SANBR: variants seen among roughly 807,000 people sequenced by gnomAD.
SANBR encodes SANT and BTB domain regulator of class switch recombination.
A neutral mutation model predicts 101.8 loss-of-function variants in SANBR; 77 were observed. That is an observed-to-expected ratio of 0.76 (90% CI 0.63 to 0.91). The LOEUF (loss-of-function observed/expected upper bound fraction) is 0.91. SANBR is among the 40% of genes least tolerant of loss of function. The pLI, the probability that SANBR is intolerant of heterozygous loss-of-function variation, is 0.00. For synonymous variants in SANBR, 279 were observed against 274.7 expected, an observed-to-expected ratio of 1.02 and a Z score of -0.15; for missense variants, 875 against 853.0, an observed-to-expected ratio of 1.03 and a Z score of -0.32.
chr2:61,133,333 TTTTG>T (rs1684745618), intron 20 of SANBR, among the ~76,000 whole-genome samples: 1 of 152,096 alleles, frequency 6.6e-6, no homozygotes, highest in African/African-American at 2.4e-5. Flanking sequence ...GATGTGTGGT[TTTTG>T]TTTGGGGTAA....
Position 61,097,687 on chromosome 2 carries a change from A to G in SANBR, c.1213-13A>G, listed in dbSNP as rs758069693. On this transcript the variant is annotated splice_polypyrimidine_tract_variant and intron_variant, in intron 11 of 21. Coordinates refer to ENST00000402291, the MANE Select transcript of SANBR (RefSeq NM_001129993.3). Reference sequence around the variant, plus strand: ...GTGGAAATAGTAGTTGATTTTATCTATGTCTTTATCAGGCCTTTCTCTGTA... The same window carrying G: ...GTGGAAATAGTAGTTGATTTTATCTGTGTCTTTATCAGGCCTTTCTCTGTA... The G allele has an allele frequency of 7.7e-6, 12 of 1,561,498 alleles. No homozygotes were observed. The South Asian group carries it at 1.0e-4, about 14-fold the overall frequency.
intron 8 of SANBR, among the ~76,000 whole-genome samples, chr2:61,086,357 ATAAAT>A (rs1193883682): frequency 6.6e-6 from 1 of 151,692 alleles, no homozygotes; most frequent in East Asian, 1.9e-4. Context: ...TATTCCTAAA[ATAAAT>A]TAAATAAATA....
chr2:61,114,639 A>G (rs757101598), intron 16 of SANBR, among the ~76,000 whole-genome samples: 138 of 152,278 alleles, frequency 9.1e-4, no homozygotes, highest in Non-Finnish European at 5.6e-4. Flanking sequence ...CTATGTATAT[A>G]TACATGCATG....
rs1381229105 is a variant in SANBR, at chr2:61,106,595, G to GTA, written c.1547_1548dup (p.Glu517Ter). Reference sequence around the variant, plus strand: ...GGGGTTGGCCTCTGTGATGAAAAGGGTATAGAATGTGATGTTTTACTGGAG... The same window carrying GTA: ...GGGGTTGGCCTCTGTGATGAAAAGGGTATATAGAATGTGATGTTTTACTGGAG... On this transcript the variant is annotated frameshift_variant, in exon 14 of 22. Coordinates refer to ENST00000402291, the MANE Select transcript of SANBR (RefSeq NM_001129993.3). LOFTEE classifies it high-confidence loss of function. 3.7e-6 allele frequency: 6 copies of GTA among 1,602,564 alleles called. No homozygotes were observed. Among genetic ancestry groups the GTA allele is most frequent in the South Asian group, 1.1e-5 (1 of 87,914 alleles).
At chr2:61,077,588 GAAAAAAAAAAAGA>G (rs1681862423) in intron 6 of SANBR, among the ~76,000 whole-genome samples, 1 of 134,558 alleles carries the variant, frequency 7.4e-6, no homozygotes, top group African/African-American at 2.7e-5. Context: ...TAGTTAATAA[GAAAAAAAAAAAGA>G]AAAGAAAAAA....
downstream of SANBR, among the ~76,000 whole-genome samples, chr2:61,128,366 G>A (rs961617541): frequency 1.3e-5 from 2 of 151,740 alleles, no homozygotes; most frequent in Admixed American, 6.6e-5. Context: ...GAAGGCAGTG[G>A]ATAACAGCCC....
In SANBR at chr2:61,104,208, C is replaced by T. The variant is rs189799586; in HGVS notation, c.1511+210C>T. 0.017 allele frequency among the ~76,000 whole-genome samples: 2,626 copies of T among 152,168 alleles called. 43 individuals carry two copies. Among genetic ancestry groups the T allele is most frequent in the Non-Finnish European group, 0.022 (1,501 of 68,004 alleles). On this transcript the variant is annotated intron_variant, in intron 13 of 21. Coordinates refer to ENST00000402291, the MANE Select transcript of SANBR (RefSeq NM_001129993.3). ...CTTAAAAATACTGGAGGTGGCTGGG[C>T]GCGGTGGCTCACACCTGTAATCCCA...
chr2:61,099,102 A>T (rs569201082), intron 12 of SANBR, among the ~76,000 whole-genome samples: 1 of 152,358 alleles, frequency 6.6e-6, no homozygotes, highest in East Asian at 1.9e-4. Context: ...AGTAAAAGAG[A>T]CTGAAAGAGC....
intron 1 of SANBR, among the ~76,000 whole-genome samples, chr2:61,066,625 T>G (rs984638926): frequency 8.5e-5 from 13 of 152,372 alleles, no homozygotes; most frequent in African/African-American, 3.1e-4. Flanking sequence ...GCCAGAGGCC[T>G]TTGACCTGCC....
rs748377194 is a variant in SANBR at position 61,083,340 on chromosome 2, CCT to C, written c.890+27_890+28del. 2.4e-6 allele frequency: 3 copies of C among 1,250,916 alleles called. No homozygotes were observed. The East Asian group carries it at 7.4e-5, about 31-fold the overall frequency. 77.5% of individuals were successfully genotyped at this position (1,250,916 alleles called of 1,614,324 possible). A position where few individuals can be genotyped will look rare whatever the true frequency, so the allele number is the denominator to read the frequency against. ...GTAATTTCAAAAGTTTAATTTTAAA[CCT>C]AATACTCCTGTTAAAAGAAATATAT... On this transcript the variant is annotated intron_variant, in intron 8 of 21. Transcript: ENST00000402291.
chr2:61,116,855 C>T (rs192213695), intron 17 of SANBR, among the ~76,000 whole-genome samples: 1 of 151,972 alleles, frequency 6.6e-6, no homozygotes, highest in East Asian at 1.9e-4. Flanking sequence ...GAGTTTGAGA[C>T]CAGCCTGGGC....
chr2:61,072,092 C>T (rs953524994), intron 4 of SANBR, among the ~76,000 whole-genome samples: 2 of 151,936 alleles, frequency 1.3e-5, no homozygotes, highest in East Asian at 3.9e-4. Context: ...CGTGCACCAC[C>T]GTGCTTGGCT....
chr2:61,132,429 T>C (rs780573951), intron 20 of SANBR, among the ~76,000 whole-genome samples: 1 of 152,184 alleles, frequency 6.6e-6, no homozygotes, highest in Non-Finnish European at 1.5e-5. Context: ...CTCAACATCA[T>C]TGGCCATCAG....
chr2:61,111,388 G>A (rs1416359570), intron 16 of SANBR, among the ~76,000 whole-genome samples: 1 of 152,012 alleles, frequency 6.6e-6, no homozygotes, highest in Non-Finnish European at 1.5e-5. Flanking sequence ...GCGAGACTCC[G>A]TCTCAAAAAA....
chr2:61,123,822 T>G lies in SANBR; in HGVS notation c.*1660T>G. 1 of 982,934 alleles carries G rather than the reference T, an allele frequency of 1.0e-6. No individual in the cohort carries two copies. Among genetic ancestry groups the G allele is most frequent in the Non-Finnish European group, 1.2e-6 (1 of 827,530 alleles). 60.9% of individuals were successfully genotyped at this position (982,934 alleles called of 1,614,324 possible). Reference sequence around the variant, plus strand: ...TCAGAATGCTTTTGGCCAGGTGTAGTGGCTCACGCCAGTAATCCCAGCACT... The same window carrying G: ...TCAGAATGCTTTTGGCCAGGTGTAGGGGCTCACGCCAGTAATCCCAGCACT... On this transcript the variant is annotated 3_prime_UTR_variant, in exon 22 of 22. Transcript: ENST00000402291.
At chr2:61,086,533 G>A (rs1181469633) in intron 8 of SANBR, among the ~76,000 whole-genome samples, 2 of 152,106 alleles carry the variant, frequency 1.3e-5, no homozygotes, top group Non-Finnish European at 2.9e-5. Context: ...AGCCAGTGAA[G>A]TAGAAAGAAA....
At chr2:61,088,579 G>GCAC in intron 10 of SANBR, 111 bp downstream of exon 10, 2 of 680,112 alleles carry the variant, frequency 2.9e-6, no homozygotes, top group Non-Finnish European at 4.5e-6. Flanking sequence ...GCGTGCAGTG[G>GCAC]TGTGGTCTTG....
Position 61,097,712 on chromosome 2 carries a change from A to T in SANBR, c.1225A>T (p.Ile409Phe), listed in dbSNP as rs201752434. 4 of 1,603,894 alleles carry T rather than the reference A, an allele frequency of 2.5e-6. No individual in the cohort carries two copies. Among genetic ancestry groups the T allele is most frequent in the Non-Finnish European group, 1.7e-6 (2 of 1,173,414 alleles). Residue 409 changes from isoleucine to phenylalanine, a missense_variant, in exon 12 of 22, where the codon ATT (isoleucine) becomes TTT (phenylalanine). Physicochemically the swap from Ile to Phe is conservative, Grantham distance 21. Coordinates refer to ENST00000402291, the MANE Select transcript of SANBR (RefSeq NM_001129993.3). Reference sequence around the variant, plus strand: ...ATGTCTTTATCAGGCCTTTCTCTGTATTGAATTTTCACATTGTCAATACCA... The same window carrying T: ...ATGTCTTTATCAGGCCTTTCTCTGTTTTGAATTTTCACATTGTCAATACCA... ...CSRCYQAFLC[I>F]EFSHCQYHSE... is the part of the protein sequence containing the mutation.
chr2:61,100,609 T>G (rs755565251), intron 12 of SANBR, among the ~76,000 whole-genome samples: 2 of 152,220 alleles, frequency 1.3e-5, no homozygotes, highest in Non-Finnish European at 2.9e-5. Flanking sequence ...TTAGTAAAAT[T>G]CTGTTTTTGT....
Sources: allele counts gnomAD v4.1 joint callset (sites outside exome capture counted in the v4.1 genomes callset), GRCh38; gene constraint gnomAD v4.1.1; transcripts MANE v1.5; gene names NCBI Gene and HGNC (gene_info 2026-07-23, HGNC 2026-07-21).